Variants in SLC2A9 observed in about 807,000 individuals in gnomAD.
The protein encoded by SLC2A9 is solute carrier family 2 member 9, also known as solute carrier family 2, facilitated glucose transporter member 9.
SLC2A9 carries 39 observed loss-of-function variants against 50.6 expected under a neutral mutation model. That is an observed-to-expected ratio of 0.77 (90% CI 0.60 to 1.01). The LOEUF (loss-of-function observed/expected upper bound fraction) is 1.01, where lower values mean the gene tolerates loss of function less well. Ranked by LOEUF, SLC2A9 falls within the 50% of genes least tolerant of loss-of-function variation. The probability of loss-of-function intolerance (pLI) is 0.00; values close to 1 mark genes in which losing one functional copy is unlikely to be tolerated. For missense variants in SLC2A9, 686 were observed against 677.6 expected, an observed-to-expected ratio of 1.01 and a Z score of -0.14; for synonymous variants, 324 against 276.9, an observed-to-expected ratio of 1.17 and a Z score of -1.69.
intron 10 of SLC2A9, chr4:9,879,886 T>C: frequency 1.0e-6 from 1 of 985,444 alleles, no homozygotes; most frequent in South Asian, 4.7e-5. Context: ...ACAAATAAAA[T>C]ATGCAGCAGG....
intron 3 of SLC2A9, among the ~76,000 whole-genome samples, chr4:9,790,495 T>C (rs1719770855): frequency 6.6e-6 from 1 of 152,144 alleles, no homozygotes; most frequent in African/African-American, 2.4e-5. Flanking sequence ...CTTGGCTTCA[T>C]GGGTAGGGGC....
intron 2 of SLC2A9, among the ~76,000 whole-genome samples, chr4:10,002,659 C>T (rs1303855325): frequency 6.6e-6 from 1 of 152,138 alleles, no homozygotes; most frequent in Non-Finnish European, 1.5e-5. Flanking sequence ...TTGAGACTAG[C>T]CTGGCCAACA....
intron 8 of SLC2A9, among the ~76,000 whole-genome samples, chr4:9,895,349 C>T (rs1042685277): frequency 6.6e-6 from 1 of 152,210 alleles, no homozygotes; most frequent in African/African-American, 2.4e-5. Flanking sequence ...ATCAGTCTCC[C>T]GGCTCTGTTC....
chr4:9,921,100 C>A (rs900116823), intron 6 of SLC2A9, among the ~76,000 whole-genome samples: 3 of 152,138 alleles, frequency 2.0e-5, no homozygotes, highest in African/African-American at 7.2e-5. Context: ...GGCCAGGATG[C>A]CCTGCAGTCC....
In SLC2A9 at chr4:9,791,455, A is replaced by C. The variant is rs1272695077; in HGVS notation, n.386-11390T>G. Among the ~76,000 whole-genome samples the C allele has an allele frequency of 6.6e-5, 10 of 152,222 alleles. No homozygotes were observed. In the East Asian group the frequency reaches 1.7e-3, roughly 26 times the overall value. On this transcript the variant is annotated intron_variant and non_coding_transcript_variant, in intron 3 of 3. Transcript: ENST00000503803. ...GTCATTCTCAAGAAGTCCCCACCCC[A>C]ATGCCTGATTTGATGAGATTCTGAA... is the stretch of plus-strand genomic sequence containing the variant.
At chr4:9,903,498 T>C (rs910425518) in intron 8 of SLC2A9, among the ~76,000 whole-genome samples, 1 of 152,086 alleles carries the variant, frequency 6.6e-6, no homozygotes, top group Non-Finnish European at 1.5e-5. Context: ...GCAAATCAAT[T>C]TGGAAAACCA....
chr4:9,893,436 T>G (rs1320623757), intron 8 of SLC2A9, among the ~76,000 whole-genome samples: 1 of 151,898 alleles, frequency 6.6e-6, no homozygotes, highest in Non-Finnish European at 1.5e-5. Context: ...TCAAGAATAC[T>G]GAGGGACAGT....
intron 5 of SLC2A9, among the ~76,000 whole-genome samples, chr4:9,975,094 A>C (rs1261778720): frequency 1.3e-5 from 2 of 152,244 alleles, no homozygotes; most frequent in East Asian, 3.8e-4. Context: ...TACCATATAC[A>C]AAAATTAACT....
chr4:9,831,647 A>C (rs992523026), intron 11 of SLC2A9, among the ~76,000 whole-genome samples: 2 of 152,210 alleles, frequency 1.3e-5, no homozygotes, highest in Non-Finnish European at 2.9e-5. Context: ...CATCTGCAAA[A>C]TGGAAAGAGG....
At chr4:10,003,201 C>T (rs1760156954) in intron 2 of SLC2A9, among the ~76,000 whole-genome samples, 1 of 152,194 alleles carries the variant, frequency 6.6e-6, no homozygotes, top group South Asian at 2.1e-4. Context: ...CTCCCTATGG[C>T]ACTCTTATAG....
At chr4:9,969,690 A>T (rs1753588210) in intron 5 of SLC2A9, among the ~76,000 whole-genome samples, 1 of 152,230 alleles carries the variant, frequency 6.6e-6, no homozygotes, top group African/African-American at 2.4e-5. Flanking sequence ...CAGAAGATGA[A>T]GGCATGTCTT....
intron 10 of SLC2A9, among the ~76,000 whole-genome samples, chr4:9,886,299 A>G (rs1304059899): frequency 6.6e-6 from 1 of 152,218 alleles, no homozygotes; most frequent in East Asian, 1.9e-4. Context: ...AAGACTAAAC[A>G]CATTTACTCC....
intron 5 of SLC2A9, among the ~76,000 whole-genome samples, chr4:9,972,465 C>T (rs1459428893): frequency 1.3e-5 from 2 of 152,202 alleles, no homozygotes; most frequent in Non-Finnish European, 2.9e-5. Context: ...ATGGAACCAG[C>T]ATTAATTCCT....
intron 10 of SLC2A9, among the ~76,000 whole-genome samples, chr4:9,856,997 A>G (rs1386880113): frequency 1.3e-5 from 2 of 152,178 alleles, no homozygotes; most frequent in East Asian, 3.9e-4. Flanking sequence ...CTGAAAAAAC[A>G]GGTACTATAC....
rs770695080 is a variant in SLC2A9, at chr4:9,826,525, G to A, written c.1495C>T (p.Leu499=). ...ITGAIYLYFV[L]PETKNRTYAE... ...TAGGTTCTGTTTTTGGTCTCAGGCA[G>A]CACAAAATACAGGTAGATAGCACCT... is the stretch of plus-strand genomic sequence containing the variant. Residue 499 remains leucine (L), a synonymous_variant, in exon 12 of 12, where the codon CTG becomes TTG. Transcript: ENST00000264784. 9.9e-6 allele frequency: 16 copies of A among 1,614,068 alleles called. No homozygotes were observed. In the South Asian group the frequency reaches 1.6e-4, roughly 17 times the overall value.
chr4:10,024,650 G>A (rs969974118), upstream of SLC2A9, among the ~76,000 whole-genome samples: 7 of 152,174 alleles, frequency 4.6e-5, no homozygotes, highest in Admixed American at 1.3e-4. Context: ...CAAACCCACA[G>A]TGTCCTAAGC....
At chr4:9,912,387 G>A (rs965981577) in intron 7 of SLC2A9, among the ~76,000 whole-genome samples, 1 of 152,164 alleles carries the variant, frequency 6.6e-6, no homozygotes, top group African/African-American at 2.4e-5. Flanking sequence ...CCTTCTTGTG[G>A]GATGGGGCTT....
At chr4:9,870,455 T>G (rs1376856209) in intron 10 of SLC2A9, among the ~76,000 whole-genome samples, 4 of 152,202 alleles carry the variant, frequency 2.6e-5, no homozygotes, top group Non-Finnish European at 5.9e-5. Flanking sequence ...TTTGAGGTTT[T>G]CTACATTTCT....
chr4:9,964,232 G>A (rs923275150), intron 5 of SLC2A9, among the ~76,000 whole-genome samples: 1 of 150,706 alleles, frequency 6.6e-6, no homozygotes, highest in Non-Finnish European at 1.5e-5. Context: ...GGTTCAACAG[G>A]GATTGGCCAG....
Sources: allele counts gnomAD v4.1 joint callset (sites outside exome capture counted in the v4.1 genomes callset), GRCh38; gene constraint gnomAD v4.1.1; transcripts MANE v1.5; gene names NCBI Gene and HGNC (gene_info 2026-07-23, HGNC 2026-07-21).